The following WDR1 variants were observed in gnomAD, a reference collection of about 807,000 sequenced individuals.
WDR1 encodes the protein WD repeat domain 1.
A neutral mutation model predicts 71.9 loss-of-function variants in WDR1; 21 were observed. The ratio of observed to expected loss-of-function variants is 0.29; its 90% CI spans 0.21 to 0.42. The LOEUF (loss-of-function observed/expected upper bound fraction) is 0.42, where lower values mean the gene tolerates loss of function less well. Among genes scored for constraint, WDR1 ranks in the 10% least tolerant of loss-of-function variants. WDR1 has a pLI of 1.00. For synonymous variants in WDR1, 424 were observed against 347.4 expected, an observed-to-expected ratio of 1.22 and a Z score of -2.45; for missense variants, 696 against 824.5, an observed-to-expected ratio of 0.84 and a Z score of 1.91.
chr4:10,078,155 G>A (rs1411263157), intron 12 of WDR1, among the ~76,000 whole-genome samples: 2 of 152,212 alleles, frequency 1.3e-5, no homozygotes, highest in Non-Finnish European at 2.9e-5. Context: ...GTCTCATGAG[G>A]CCCTCAAGCT....
chr4:10,103,791 C>CA, intron 3 of WDR1, 105 bp downstream of exon 3: 1 of 376,032 alleles, frequency 2.7e-6, no homozygotes, highest in Non-Finnish European at 4.7e-6. Context: ...CACCCCCCAC[C>CA]TCCCTCCTCC....
intron 2 of WDR1, among the ~76,000 whole-genome samples, chr4:10,114,485 A>G (rs1190761859): frequency 6.6e-6 from 1 of 152,224 alleles, no homozygotes; most frequent in Admixed American, 6.5e-5. Flanking sequence ...ACAGGGCCAG[A>G]TGCACAGCAG....
In WDR1 at chr4:10,097,781, G is replaced by A; in HGVS notation, c.488C>T (p.Ala163Val). The change falls in exon 5 of 15, where the codon GCC becomes GTC. Residue 163 changes from alanine (A) to valine (V), a missense_variant. Ala to Val is a moderately conservative substitution (Grantham distance 64). Transcript: ENST00000499869. Reference sequence around the variant, plus strand: ...CGCGCAGTTATCATCGCTTCCCGTGGCCAGCCGGTATGGCCGGCTCTGCTT... The same window carrying A: ...CGCGCAGTTATCATCGCTTCCCGTGACCAGCCGGTATGGCCGGCTCTGCTT... Reference protein sequence around the residue: ...DIKQSRPYRLATGSDDNCAAF... With the variant: ...DIKQSRPYRLVTGSDDNCAAF... 2 of 1,613,754 alleles carry A rather than the reference G, an allele frequency of 1.2e-6. No homozygotes were observed. The highest frequency in any genetic ancestry group is 1.7e-6 in the Non-Finnish European group (2 of 1,179,820).
chr4:10,116,486 T>G (rs955881800), intron 1 of WDR1, 165 bp downstream of exon 1: 3 of 594,962 alleles, frequency 5.0e-6, no homozygotes, highest in Non-Finnish European at 4.5e-6. Flanking sequence ...CCGTCGGGGG[T>G]CCCGCCCTGC....
rs1296186295 is a variant in WDR1, at chr4:10,074,658, G to A, written c.*720C>T. Reference sequence around the variant, plus strand: ...GGTGAAACGGTGACCAGGACACCTCGGTCTGGCTAACAAGGGTTCTAAAAA... The same window carrying A: ...GGTGAAACGGTGACCAGGACACCTCAGTCTGGCTAACAAGGGTTCTAAAAA... On this transcript the variant is annotated 3_prime_UTR_variant, in exon 15 of 15. Transcript: ENST00000499869. 3.9e-5 allele frequency: 6 copies of A among 152,544 alleles called. No homozygotes were observed. Among genetic ancestry groups the A allele is most frequent in the East Asian group, 1.9e-4 (1 of 5,190 alleles). The allele number at this position is 152,544 out of a possible 1,614,324, so 9.4% of individuals were successfully genotyped here. A position where few individuals can be genotyped will look rare whatever the true frequency, so the allele number is the denominator to read the frequency against.
intron 5 of WDR1, chr4:10,092,596 A>T: frequency 4.7e-6 from 1 of 213,820 alleles, no homozygotes. Flanking sequence ...CCCCTCGAGT[A>T]GCTCATCCCC....
intron 9 of WDR1, chr4:10,083,638 T>A (rs1560530625): frequency 2.1e-6 from 1 of 484,162 alleles, no homozygotes; most frequent in South Asian, 1.5e-5. Context: ...AAAGGCAGTC[T>A]CCAACACAGC....
In WDR1 at chr4:10,099,156, G is replaced by A; in HGVS notation, c.230-17C>T. ...CAGACACATCTGTGGGGCACAGCGG[G>A]CGGGGGAGGGGGGGAGGCGGTGGTG... On this transcript the variant is annotated splice_polypyrimidine_tract_variant and intron_variant, in intron 3 of 14. Transcript: ENST00000499869. 1 of 1,574,352 alleles carries A rather than the reference G, an allele frequency of 6.4e-7. No individual in the cohort carries two copies. The highest frequency in any genetic ancestry group is 1.1e-5 in the South Asian group (1 of 89,604).
chr4:10,104,844 C>T (rs531005580), intron 2 of WDR1, among the ~76,000 whole-genome samples: 1 of 152,312 alleles, frequency 6.6e-6, no homozygotes, highest in East Asian at 1.9e-4. Flanking sequence ...AAAGAGGCAG[C>T]TTCCCGCCAG....
chr4:10,077,715 C>T (rs747636161), intron 13 of WDR1, 38 bp downstream of exon 13: 2 of 1,528,056 alleles, frequency 1.3e-6, no homozygotes, highest in South Asian at 1.3e-5. Flanking sequence ...CCTGCACCGC[C>T]CAGCACGGGG....
chr4:10,093,620 C>T (rs1360747960), intron 5 of WDR1, among the ~76,000 whole-genome samples: 1 of 152,234 alleles, frequency 6.6e-6, no homozygotes. Context: ...ACAAGAGGCT[C>T]ATCCTAACTA....
chr4:10,108,017 T>A (rs1187668057), intron 2 of WDR1, among the ~76,000 whole-genome samples: 3 of 152,198 alleles, frequency 2.0e-5, no homozygotes, highest in Non-Finnish European at 4.4e-5. Flanking sequence ...TAGCTGGTCT[T>A]TTTCTGAGAA....
chr4:10,083,453 G>A (rs573181186), intron 9 of WDR1, among the ~76,000 whole-genome samples: 3 of 152,288 alleles, frequency 2.0e-5, no homozygotes, highest in Admixed American at 2.0e-4. Context: ...AGGCTCCGGC[G>A]TCTCCTCTGC....
At position 10,080,228 on chromosome 4, in the gene WDR1, C is replaced by A. The variant is rs550235472; in HGVS notation, c.1284+1129G>T. 6.6e-5 allele frequency among the ~76,000 whole-genome samples: 10 copies of A among 152,330 alleles called. No homozygotes were observed. The East Asian group carries it at 1.9e-3, about 29-fold the overall frequency. ...GGGAAAGGGTGGCCTATGATGACCA[C>A]AACTTTACAGATGAGGAAACCTGGG... On this transcript the variant is annotated intron_variant, in intron 11 of 14. Transcript: ENST00000499869.
chr4:10,078,690 G>C (rs1764890989), intron 12 of WDR1: 5 of 530,930 alleles, frequency 9.4e-6, no homozygotes, highest in Non-Finnish European at 1.7e-5. Context: ...GTGCCGAGGA[G>C]GGGAGGGGAA....
intron 2 of WDR1, among the ~76,000 whole-genome samples, chr4:10,111,087 G>A (rs930568129): frequency 4.6e-5 from 7 of 151,790 alleles, no homozygotes; most frequent in African/African-American, 1.7e-4. Context: ...TGGCTTCCCT[G>A]CCTCAGATCT....
rs960193058 is a variant in WDR1 at position 10,103,207 on chromosome 4, G to A, written c.229+689C>T. Reference sequence around the variant, plus strand: ...CGCTGGCCTGGAGGCCAGCATTGTGGTAGCACTGGGAAAGGAGCAGCGGGT... The same window carrying A: ...CGCTGGCCTGGAGGCCAGCATTGTGATAGCACTGGGAAAGGAGCAGCGGGT... On this transcript the variant is annotated intron_variant, in intron 3 of 14. Coordinates refer to ENST00000499869, the MANE Select transcript of WDR1 (RefSeq NM_017491.5). Among the ~76,000 whole-genome samples the A allele has an allele frequency of 1.9e-4, 29 of 151,996 alleles. 1 individual carries two copies. The highest frequency in any genetic ancestry group is 1.7e-3 in the Admixed American group (26 of 15,266).
At chr4:10,090,395 A>G (rs1578427954) in intron 5 of WDR1, among the ~76,000 whole-genome samples, 1 of 152,148 alleles carries the variant, frequency 6.6e-6, no homozygotes, top group Non-Finnish European at 1.5e-5. Flanking sequence ...ATGTCCCCAC[A>G]AAGTCCGTCA....
At chr4:10,099,378 C>T (rs1288057879) in intron 3 of WDR1, among the ~76,000 whole-genome samples, 1 of 152,266 alleles carries the variant, frequency 6.6e-6, no homozygotes, top group East Asian at 1.9e-4. Context: ...ATTTGGGCCT[C>T]TGCATTTTGC....
Sources: allele counts gnomAD v4.1 joint callset (sites outside exome capture counted in the v4.1 genomes callset), GRCh38; gene constraint gnomAD v4.1.1; transcripts MANE v1.5; gene names NCBI Gene and HGNC (gene_info 2026-07-23, HGNC 2026-07-21).